The following PCDHA4 variants were observed in gnomAD, a reference collection of about 807,000 sequenced individuals.
PCDHA4 encodes protocadherin alpha-4.
Under a neutral mutation model 61.4 loss-of-function variants are expected in PCDHA4, and 49 were observed. The observed-to-expected ratio is 0.80, with a 90% CI of 0.63 to 1.01. The LOEUF is 1.01. Among genes scored for constraint, PCDHA4 ranks in the 50% least tolerant of loss-of-function variants. The probability of loss-of-function intolerance (pLI) is 0.00; values close to 1 mark genes in which losing one functional copy is unlikely to be tolerated. For synonymous variants in PCDHA4, 590 were observed against 550.3 expected (o/e 1.07, Z -1.01); for missense variants, 1,254 against 1,235.8 (o/e 1.01, Z -0.22).
Position 140,809,109 on chromosome 5 carries a change from A to G in PCDHA4, c.1922A>G (p.Asp641Gly), listed in dbSNP as rs1764366796. 1 of 1,613,816 alleles carries G rather than the reference A, an allele frequency of 6.2e-7. No homozygotes were observed. The highest frequency in any genetic ancestry group is 1.7e-5 in the Admixed American group (1 of 60,010). Residue 641 changes from aspartate to glycine, a missense_variant, in exon 1 of 4, where the codon GAC (aspartate) becomes GGC (glycine). By Grantham distance (94) the Asp-to-Gly change is moderately conservative (BLOSUM62 -1). Coordinates refer to ENST00000530339, the MANE Select transcript of PCDHA4 (RefSeq NM_018907.4). ...ISTTRALDET[D>G]APRHRLLVLV... ...ACAACGCGTGCCCTGGACGAAACGGACGCTCCGCGCCACCGCCTACTGGTA... is the reference window on the plus strand; with the variant it reads ...ACAACGCGTGCCCTGGACGAAACGGGCGCTCCGCGCCACCGCCTACTGGTA...
At chr5:140,939,965 C>T (rs565275285) in intron 1 of PCDHA4, among the ~76,000 whole-genome samples, 1 of 152,100 alleles carries the variant, frequency 6.6e-6, no homozygotes, top group African/African-American at 2.4e-5. Context: ...TAAAGTGTTC[C>T]ACGATGAATA....
intron 1 of PCDHA4, among the ~76,000 whole-genome samples, chr5:140,818,489 A>G (rs1554127494): frequency 6.6e-6 from 1 of 152,158 alleles, no homozygotes; most frequent in African/African-American, 2.4e-5. Context: ...CACTCACTTG[A>G]TCTTGGATTT....
chr5:140,834,900 A>C (rs1299634781), intron 1 of PCDHA4: 1 of 1,599,980 alleles, frequency 6.3e-7, no homozygotes, highest in Non-Finnish European at 8.5e-7. Flanking sequence ...TTACAGACTG[A>C]GCCCCAATGA....
rs2150165886 is a variant in PCDHA4 at position 140,829,324 on chromosome 5, T to C, written c.2385+19752T>C. 2.5e-4 allele frequency: 408 copies of C among 1,614,140 alleles called. 1 individual carries two copies. Among genetic ancestry groups the C allele is most frequent in the African/African-American group, 5.3e-4 (40 of 75,068 alleles). ...ATTACTACTCGTTGGTGCTGGACAG[T>C]GCCCTGGACCGCGAGAGCGTGTCGG... On this transcript the variant is annotated intron_variant, in intron 1 of 3. Transcript: ENST00000530339.
chr5:140,925,503 C>T (rs1210013790), intron 1 of PCDHA4, among the ~76,000 whole-genome samples: 1 of 151,978 alleles, frequency 6.6e-6, no homozygotes, highest in Non-Finnish European at 1.5e-5. Context: ...TCCCAATATC[C>T]ACGCAAAAGA....
At chr5:140,988,942 G>C (rs1236805502) in intron 3 of PCDHA4, 1 of 152,180 alleles carries the variant, frequency 6.6e-6, no homozygotes, top group East Asian at 1.9e-4. Context: ...CTCTTAGGCT[G>C]CAGTTTCCTT....
At position 140,848,444 on chromosome 5, in the gene PCDHA4, C is replaced by T. The variant is rs2150410443; in HGVS notation, c.2385+38872C>T. 2.3e-5 allele frequency: 35 copies of T among 1,498,894 alleles called. 1 individual carries two copies. Among genetic ancestry groups the T allele is most frequent in the Non-Finnish European group, 2.9e-5 (32 of 1,100,132 alleles). The allele number at this position is 1,498,894 out of a possible 1,614,324, so 92.8% of individuals were successfully genotyped here. On this transcript the variant is annotated intron_variant, in intron 1 of 3. Coordinates refer to ENST00000530339, the MANE Select transcript of PCDHA4 (RefSeq NM_018907.4). ...TGGGACTGACGAAATCAGATGATTT[C>T]TTCTAATTTGGAGGCAATTTTCACT... is the stretch of plus-strand genomic sequence containing the variant.
At chr5:140,961,001 C>A (rs2095583358) in intron 1 of PCDHA4, among the ~76,000 whole-genome samples, 1 of 152,144 alleles carries the variant, frequency 6.6e-6, no homozygotes, top group Non-Finnish European at 1.5e-5. Context: ...CAATTTGCTG[C>A]TGGACTGCAT....
At chr5:140,968,133 A>C in intron 1 of PCDHA4, 6 of 1,614,140 alleles carry the variant, frequency 3.7e-6, no homozygotes, top group Non-Finnish European at 5.1e-6. Context: ...CGTACACTGA[A>C]GGTTGAGATC....
intron 1 of PCDHA4, among the ~76,000 whole-genome samples, chr5:140,818,056 A>G (rs1240015136): frequency 6.6e-6 from 1 of 152,174 alleles, no homozygotes; most frequent in Non-Finnish European, 1.5e-5. Flanking sequence ...CTTTGTTTTT[A>G]ATCTCGCTTG....
At chr5:140,920,923 G>C (rs1229531762) in intron 1 of PCDHA4, among the ~76,000 whole-genome samples, 5 of 151,200 alleles carry the variant, frequency 3.3e-5, no homozygotes, top group African/African-American at 1.2e-4. Flanking sequence ...TCCAAGAGTA[G>C]GTGATCTAGC....
At position 140,855,991 on chromosome 5, in the gene PCDHA4, A is replaced by C; in HGVS notation, c.2385+46419A>C. On this transcript the variant is annotated intron_variant, in intron 1 of 3. Coordinates refer to ENST00000530339, the MANE Select transcript of PCDHA4 (RefSeq NM_018907.4). ...TAAGAAATAGGACAGAAAATGTCAG[A>C]TCGTATGTGCGTTCTAGACCGCTGA... 2.0e-6 allele frequency: 3 copies of C among 1,492,426 alleles called. 1 individual carries two copies. In the South Asian group the frequency reaches 3.9e-5, roughly 20 times the overall value. 92.4% of individuals were successfully genotyped at this position (1,492,426 alleles called of 1,614,324 possible). A position where few individuals can be genotyped will look rare whatever the true frequency, so the allele number is the denominator to read the frequency against.
intron 3 of PCDHA4, among the ~76,000 whole-genome samples, chr5:140,996,747 T>C (rs940274322): frequency 1.3e-5 from 2 of 152,190 alleles, no homozygotes; most frequent in Non-Finnish European, 2.9e-5. Flanking sequence ...TAACAAATTA[T>C]ATCTGTGCAG....
chr5:140,884,804 T>A (rs1223470171), intron 1 of PCDHA4: 1 of 1,210,196 alleles, frequency 8.3e-7, no homozygotes, highest in Non-Finnish European at 1.1e-6. Flanking sequence ...ATTTAACAAC[T>A]CTGCTGTGGA....
intron 1 of PCDHA4, chr5:140,852,648 C>T: frequency 1.0e-6 from 1 of 958,186 alleles, no homozygotes; most frequent in Non-Finnish European, 1.3e-6. Flanking sequence ...TTAAACCTAT[C>T]TATATCTGTC....
intron 2 of PCDHA4, among the ~76,000 whole-genome samples, chr5:140,981,993 G>A (rs533430599): frequency 6.6e-6 from 1 of 152,272 alleles, no homozygotes; most frequent in Admixed American, 6.5e-5. Flanking sequence ...TAGAAAATAA[G>A]GTTAAGAATT....
intron 1 of PCDHA4, chr5:140,876,262 C>A (rs1554168436): frequency 6.2e-7 from 1 of 1,614,012 alleles, no homozygotes. Context: ...AGTGATCCAA[C>A]TAAATGCTTC....
chr5:140,875,441 T>C (rs781902185), intron 1 of PCDHA4: 1 of 1,570,886 alleles, frequency 6.4e-7, no homozygotes, highest in Admixed American at 1.9e-5. Flanking sequence ...TTAAAACTGA[T>C]TGTCCCAACT....
intron 1 of PCDHA4, chr5:140,850,687 A>T: frequency 6.3e-7 from 1 of 1,597,792 alleles, no homozygotes. Context: ...ACCGAGGGCG[A>T]GTGCGCGCCT....
Sources: gnomAD v4.1 joint callset for allele counts (sites outside exome capture counted in the v4.1 genomes callset) on GRCh38, gnomAD v4.1.1 for gene constraint, MANE v1.5 for transcripts, NCBI Gene and HGNC (gene_info 2026-07-23, HGNC 2026-07-21) for gene names.